Variants in TRAPPC11 observed in about 807,000 individuals in gnomAD.
The protein encoded by TRAPPC11 is trafficking protein particle complex subunit 11, also known as foie gras homolog.
A neutral mutation model predicts 151.2 loss-of-function variants in TRAPPC11; 104 were observed. The ratio of observed to expected loss-of-function variants is 0.69; its 90% CI spans 0.59 to 0.81. TRAPPC11 has a LOEUF of 0.81. TRAPPC11 is among the 30% of genes least tolerant of loss of function. TRAPPC11 has a pLI of 0.00. For missense variants in TRAPPC11, 1,230 were observed against 1,349.6 expected (o/e 0.91, Z 1.39); for synonymous variants, 456 against 472.3 (o/e 0.97, Z 0.45).
At chr4:183,674,030 C>G (rs6827868) in intron 5 of TRAPPC11, among the ~76,000 whole-genome samples, 78,530 of 152,050 alleles carry the variant, frequency 0.52, 21,455 homozygotes, top group African/African-American at 0.7. Context: ...CACCAAAAAA[C>G]TGAAATCTAA....
rs1483395556 is a variant in TRAPPC11, at chr4:183,686,624, G to A, written c.1769G>A (p.Cys590Tyr). The change falls in exon 18 of 30, where the codon TGC becomes TAC. Residue 590 changes from cysteine (C) to tyrosine (Y), a missense_variant. By Grantham distance (194) the Cys-to-Tyr change is radical (BLOSUM62 -2). Coordinates refer to ENST00000334690, the MANE Select transcript of TRAPPC11 (RefSeq NM_021942.6). ...GVQDFVPFVQ[C>Y]KAKFHAPSFH... is the part of the protein sequence containing the mutation. ...CCTTTTGTTTTATTTCTAGTGCAGT[G>A]CAAAGCCAAGTTTCATGCCCCAAGT... The A allele has an allele frequency of 6.2e-7, 1 of 1,613,914 alleles. No homozygotes were observed. Among genetic ancestry groups the A allele is most frequent in the Admixed American group, 1.7e-5 (1 of 60,004 alleles).
At chr4:183,676,251 G>A (rs1261174579) in intron 7 of TRAPPC11, among the ~76,000 whole-genome samples, 1 of 152,020 alleles carries the variant, frequency 6.6e-6, no homozygotes, top group Non-Finnish European at 1.5e-5. Context: ...CTGGATTCAA[G>A]TGATTCTCCT....
Position 183,681,551 on chromosome 4 carries a change from T to C in TRAPPC11, c.1114-1181T>C, listed in dbSNP as rs895085488. Among the ~76,000 whole-genome samples, 113 of 152,028 alleles carry C rather than the reference T, an allele frequency of 7.4e-4. 1 individual carries two copies. The South Asian group carries it at 0.016, about 21-fold the overall frequency. On this transcript the variant is annotated intron_variant, in intron 10 of 29. Transcript: ENST00000334690. ...ATCCCAGCACTTTGGGAGGCTGAGGTGGGCAGATCACAAGGTCAGGAGATC... is the reference window on the plus strand; with the variant it reads ...ATCCCAGCACTTTGGGAGGCTGAGGCGGGCAGATCACAAGGTCAGGAGATC...
intron 3 of TRAPPC11, 144 bp downstream of exon 3, chr4:183,666,570 C>T: frequency 1.4e-6 from 1 of 732,564 alleles, no homozygotes. Flanking sequence ...CACTTCCTCA[C>T]AGGTAGCATA....
At chr4:183,669,603 G>A (rs1735049346) in intron 5 of TRAPPC11, among the ~76,000 whole-genome samples, 1 of 152,206 alleles carries the variant, frequency 6.6e-6, no homozygotes, top group Non-Finnish European at 1.5e-5. Context: ...TCACTGAGCA[G>A]CATTACCTTC....
At chr4:183,709,589 C>A (rs1384586834) in intron 29 of TRAPPC11, among the ~76,000 whole-genome samples, 1 of 152,110 alleles carries the variant, frequency 6.6e-6, no homozygotes, top group African/African-American at 2.4e-5. Context: ...TCCTGGCTAA[C>A]ATGGTGAAAC....
At chr4:183,670,801 T>A (rs1317378831) in intron 5 of TRAPPC11, among the ~76,000 whole-genome samples, 1 of 152,130 alleles carries the variant, frequency 6.6e-6, no homozygotes, top group Admixed American at 6.6e-5. Context: ...TTGGTTTTTT[T>A]TTGAGACAAA....
At position 183,693,709 on chromosome 4, in the gene TRAPPC11, T is replaced by C. The variant is rs2111067355; in HGVS notation, c.2358T>C (p.Asp786=). The C allele has an allele frequency of 1.2e-6, 2 of 1,614,054 alleles. No individual in the cohort carries two copies. The highest frequency in any genetic ancestry group is 1.7e-6 in the Non-Finnish European group (2 of 1,180,016). Residue 786 remains aspartate, a synonymous_variant, in exon 21 of 30, where the codon GAT becomes GAC. Coordinates refer to ENST00000334690, the MANE Select transcript of TRAPPC11 (RefSeq NM_021942.6). The part of the protein sequence containing the change: ...VQSHEKTQIR[D]VKLTAGLKPG... ...CCCATGAAAAGACCCAAATCAGAGA[T>C]GTGAAGCTCACCGCTGGCTTAAAAC...
chr4:183,691,330 C>G lies in TRAPPC11; in HGVS notation c.1908C>G (p.Phe636Leu). The change falls in exon 19 of 30, where the codon TTC (phenylalanine) becomes TTG (leucine). Residue 636 changes from phenylalanine to leucine, a missense_variant. Transcript: ENST00000334690. ...VSFNNQEYNQ[F>L]CVIEEASKAN... ...ACCTTTTTCAGGAATACAACCAGTT[C>G]TGTGTAATAGAAGAAGCATCCAAAG... 1 of 1,538,132 alleles carries G rather than the reference C, an allele frequency of 6.5e-7. No homozygotes were observed. Among genetic ancestry groups the G allele is most frequent in the Non-Finnish European group, 8.8e-7 (1 of 1,133,956 alleles).
At chr4:183,702,875 T>C (rs568879219) in intron 26 of TRAPPC11, among the ~76,000 whole-genome samples, 114 of 152,298 alleles carry the variant, frequency 7.5e-4, no homozygotes, top group African/African-American at 2.6e-3. Context: ...GATACTAGTT[T>C]TAAGGGAATG....
At position 183,672,554 on chromosome 4, in the gene TRAPPC11, T is replaced by C. The variant is rs540909613; in HGVS notation, c.561-2159T>C. 2.6e-5 allele frequency among the ~76,000 whole-genome samples: 4 copies of C among 152,224 alleles called. No homozygotes were observed. The South Asian group carries it at 8.3e-4, about 32-fold the overall frequency. ...TTATAAGGTTTTCTCCAAATAAGCC[T>C]CAAATAATAAAGAAGTGTATGAATT... On this transcript the variant is annotated intron_variant, in intron 5 of 29. Coordinates refer to ENST00000334690, the MANE Select transcript of TRAPPC11 (RefSeq NM_021942.6).
intron 2 of TRAPPC11, 60 bp from the exon 3 acceptor site, chr4:183,666,197 C>G (rs1162041283): frequency 2.0e-6 from 3 of 1,523,728 alleles, no homozygotes; most frequent in African/African-American, 2.8e-5. Context: ...GCTTGGCACT[C>G]AGTAACAGGT....
chr4:183,699,337 C>G (rs1362632303), intron 25 of TRAPPC11, among the ~76,000 whole-genome samples: 1 of 152,148 alleles, frequency 6.6e-6, no homozygotes, highest in East Asian at 1.9e-4. Flanking sequence ...ACTAAGTACT[C>G]TTCCTTCTTT....
chr4:183,707,004 A>G (rs1737107292), intron 28 of TRAPPC11, 64 bp downstream of exon 28: 4 of 1,568,748 alleles, frequency 2.5e-6, no homozygotes, highest in Non-Finnish European at 3.5e-6. Flanking sequence ...GGAGAGCTGT[A>G]CCTTTAGTTT....
intron 23 of TRAPPC11, among the ~76,000 whole-genome samples, chr4:183,695,611 A>T (rs1736500026): frequency 6.6e-6 from 1 of 152,086 alleles, no homozygotes; most frequent in Non-Finnish European, 1.5e-5. Context: ...ACATTATGAT[A>T]TTTGGTATCT....
At chr4:183,674,659 T>A in intron 5 of TRAPPC11, 54 bp from the exon 6 acceptor site, 1 of 1,019,698 alleles carries the variant, frequency 9.8e-7, no homozygotes, top group Non-Finnish European at 1.4e-6. Context: ...TCTTGAAAAG[T>A]TTGGTTTAAA....
In TRAPPC11 at chr4:183,705,034, G is replaced by T. The variant is rs79804817; in HGVS notation, c.3019G>T (p.Val1007Leu). 6.3e-7 allele frequency: 1 copy of T among 1,598,122 alleles called. No homozygotes were observed. The highest frequency in any genetic ancestry group is 8.6e-7 in the Non-Finnish European group (1 of 1,168,800). The change falls in exon 27 of 30, where the codon GTG (valine) becomes TTG (leucine). Residue 1007 changes from valine to leucine, a missense_variant. Val to Leu is a conservative substitution (Grantham distance 32). Transcript: ENST00000334690. ...CACAACTGTCATCACTCTGCCGCACGTGATTGTGGAGAATATCCCTCTCCA... is the reference window on the plus strand; with the variant it reads ...CACAACTGTCATCACTCTGCCGCACTTGATTGTGGAGAATATCCCTCTCCA... ...IITTVITLPHVIVENIPLHVN... is the reference protein window; with the variant it reads ...IITTVITLPHLIVENIPLHVN...
chr4:183,689,941 G>A (rs1424336737), intron 18 of TRAPPC11, among the ~76,000 whole-genome samples: 7 of 152,048 alleles, frequency 4.6e-5, no homozygotes, highest in African/African-American at 1.4e-4. Flanking sequence ...AGTGGCTCAC[G>A]CCTGTAATCC....
intron 1 of TRAPPC11, among the ~76,000 whole-genome samples, chr4:183,663,165 CA>C (rs539496849): frequency 1.6e-3 from 246 of 152,186 alleles, no homozygotes; most frequent in African/African-American, 5.8e-3. Context: ...CTCCTGGGTT[CA>C]AGTGATTCTC....
Sources: allele counts gnomAD v4.1 joint callset (sites outside exome capture counted in the v4.1 genomes callset), GRCh38; gene constraint gnomAD v4.1.1; transcripts MANE v1.5; gene names NCBI Gene and HGNC (gene_info 2026-07-23, HGNC 2026-07-21).